IQCK: variants seen among roughly 807,000 people sequenced by gnomAD.
IQCK encodes IQ motif containing K.
In IQCK, 29 loss-of-function variants were observed where a neutral mutation model predicts 28.1. The observed-to-expected ratio is 1.03, with a 90% CI of 0.77 to 1.41. IQCK has a LOEUF of 1.41. IQCK is among the 40% of genes most tolerant of loss of function. The pLI is 0.00. For synonymous variants in IQCK, 113 were observed against 115.1 expected (o/e 0.98, Z 0.12); for missense variants, 359 against 314.7 (o/e 1.14, Z -1.07).
rs4780825 is a variant in IQCK at position 19,734,479 on chromosome 16, A to G, written c.376+652A>G. Among the ~76,000 whole-genome samples, 175 of 142,712 alleles carry G rather than the reference A, an allele frequency of 1.2e-3. 4 individuals are homozygous for G. Among genetic ancestry groups the G allele is most frequent in the South Asian group, 2.9e-3 (13 of 4,436 alleles). 93.6% of individuals were successfully genotyped at this position (142,712 alleles called of 152,430 possible). A position where few individuals can be genotyped will look rare whatever the true frequency, so the allele number is the denominator to read the frequency against. ...CATCACAAAAAAAAAAAAAAAAAAA[A>G]TTATCCAGGCATGGTGGTGCACACT... On this transcript the variant is annotated intron_variant, in intron 3 of 7. Transcript: ENST00000564186.
At chr16:19,755,504 A>G (rs2055040032) in intron 4 of IQCK, among the ~76,000 whole-genome samples, 2 of 152,194 alleles carry the variant, frequency 1.3e-5, no homozygotes, top group African/African-American at 4.8e-5. Context: ...AAAGGCAGAG[A>G]AAGGAGGACA....
chr16:19,807,953 AT>A (rs370297605), intron 7 of IQCK, among the ~76,000 whole-genome samples: 1 of 151,948 alleles, frequency 6.6e-6, no homozygotes, highest in African/African-American at 2.4e-5. Flanking sequence ...TTAAATGAGT[AT>A]TTTTTTTAAT....
chr16:19,738,545 C>A (rs895246190), intron 4 of IQCK, among the ~76,000 whole-genome samples: 3 of 152,172 alleles, frequency 2.0e-5, no homozygotes. Flanking sequence ...GGCAGCATAG[C>A]CCAGGACAAG....
At chr16:19,761,339 T>C (rs1361911270) in intron 4 of IQCK, 4 of 450,490 alleles carry the variant, frequency 8.9e-6, no homozygotes, top group Non-Finnish European at 1.8e-5. Flanking sequence ...TCTGGTCTCC[T>C]GCTGGTACCA....
At chr16:19,738,640 G>A (rs1429687344) in intron 4 of IQCK, among the ~76,000 whole-genome samples, 4 of 152,162 alleles carry the variant, frequency 2.6e-5, no homozygotes, top group South Asian at 2.1e-4. Context: ...TTATTATGCC[G>A]ATGAAATGAG....
At chr16:19,750,788 AAGCATTC>A (rs1453395850) in intron 4 of IQCK, among the ~76,000 whole-genome samples, 2 of 152,204 alleles carry the variant, frequency 1.3e-5, no homozygotes, top group Non-Finnish European at 2.9e-5. Context: ...AATGCATTTA[AAGCATTC>A]AGTTAAGTGC....
intron 9 of IQCK, among the ~76,000 whole-genome samples, chr16:19,848,689 CTG>C (rs1358093415): frequency 6.6e-6 from 1 of 152,122 alleles, no homozygotes; most frequent in Non-Finnish European, 1.5e-5. Flanking sequence ...CATAAGGACT[CTG>C]TGAAGTGGAG....
intron 4 of IQCK, among the ~76,000 whole-genome samples, chr16:19,760,141 T>C (rs1020999356): frequency 1.3e-5 from 2 of 152,204 alleles, no homozygotes; most frequent in South Asian, 4.1e-4. Context: ...TTAAAAAATA[T>C]ATAATTTTTT....
chr16:19,759,470 A>C (rs1358177671), intron 4 of IQCK, among the ~76,000 whole-genome samples: 2 of 152,134 alleles, frequency 1.3e-5, no homozygotes, highest in Non-Finnish European at 2.9e-5. Context: ...CGGCCTCCCA[A>C]AGTGCTGGGA....
At chr16:19,799,082 C>A in intron 7 of IQCK, among the ~76,000 whole-genome samples, 1 of 91,176 alleles carries the variant, frequency 1.1e-5, no homozygotes, top group East Asian at 2.8e-4. Context: ...ATATACTATT[C>A]ATCCTTCTAG....
Position 19,718,536 on chromosome 16 carries a change from G to C in IQCK, c.181+49G>C, listed in dbSNP as rs746260246. On this transcript the variant is annotated intron_variant, in intron 1 of 7. Coordinates refer to ENST00000564186, the Ensembl canonical transcript of IQCK. ...AGGGGCGGGACCCGGGCGGCCGGAC[G>C]GGGGCCGCGTTTGGGGAGCGCCCAC... The C allele has an allele frequency of 2.7e-5, 40 of 1,483,208 alleles. 1 individual carries two copies. Among genetic ancestry groups the C allele is most frequent in the Non-Finnish European group, 3.0e-5 (34 of 1,117,298 alleles). The allele number at this position is 1,483,208 out of a possible 1,614,324, so 91.9% of individuals were successfully genotyped here.
At chr16:19,723,614 A>G (rs1280401709) in intron 1 of IQCK, among the ~76,000 whole-genome samples, 2 of 152,150 alleles carry the variant, frequency 1.3e-5, no homozygotes, top group African/African-American at 4.8e-5. Context: ...GTTTTAAAGC[A>G]TGGACTGGGA....
intron 4 of IQCK, among the ~76,000 whole-genome samples, chr16:19,742,991 A>G (rs2054858193): frequency 1.3e-5 from 2 of 152,170 alleles, no homozygotes; most frequent in African/African-American, 2.4e-5. Flanking sequence ...CAACATGGCA[A>G]AACCCTGTCT....
Position 19,849,672 on chromosome 16 carries a change from G to A in IQCK, c.803-6815G>A, listed in dbSNP as rs1395947592. Among the ~76,000 whole-genome samples the A allele has an allele frequency of 3.3e-5, 5 of 151,824 alleles. No homozygotes were observed. The East Asian group carries it at 9.7e-4, about 29-fold the overall frequency. ...AGCCACTTGGGAGGCTGAGGCAGGA[G>A]GATCACTTGAGCCCAGGAAGTCAAG... On this transcript the variant is annotated intron_variant, in intron 9 of 9. Transcript: ENST00000320394.
intron 7 of IQCK, among the ~76,000 whole-genome samples, chr16:19,813,864 T>G (rs1233269162): frequency 1.3e-5 from 2 of 151,756 alleles, no homozygotes; most frequent in East Asian, 3.8e-4. Context: ...GACAGCCTTT[T>G]GTTTTGTTTT....
chr16:19,755,442 G>A (rs2055039327), intron 4 of IQCK, among the ~76,000 whole-genome samples: 1 of 152,190 alleles, frequency 6.6e-6, no homozygotes. Flanking sequence ...ACACTGCAGA[G>A]AGAACAGGCA....
At chr16:19,733,820 A>T in exon 3 of IQCK, 1 of 1,613,804 alleles carries the variant, frequency 6.2e-7, no homozygotes, top group Non-Finnish European at 8.5e-7. Context: ...CAATCAACCC[A>T]AAAACATGTG....
Position 19,792,761 on chromosome 16 carries a change from G to A in IQCK, c.690+3839G>A, listed in dbSNP as rs58020969. On this transcript the variant is annotated intron_variant, in intron 7 of 7. Coordinates refer to ENST00000564186, the Ensembl canonical transcript of IQCK. ...TAATTTTTGTATTTTTAGTAGAGACGGAGGGGGGCGTTTCACCATGTTGGC... is the reference window on the plus strand; with the variant it reads ...TAATTTTTGTATTTTTAGTAGAGACAGAGGGGGGCGTTTCACCATGTTGGC... Among the ~76,000 whole-genome samples, 6 of 113,554 alleles carry A rather than the reference G, an allele frequency of 5.3e-5. 1 individual carries two copies. Among genetic ancestry groups the A allele is most frequent in the African/African-American group, 1.6e-4 (2 of 12,196 alleles). 74.5% of individuals were successfully genotyped at this position (113,554 alleles called of 152,430 possible).
intron 4 of IQCK, among the ~76,000 whole-genome samples, chr16:19,750,979 G>A (rs1369510300): frequency 2.6e-5 from 4 of 152,002 alleles, no homozygotes; most frequent in Non-Finnish European, 4.4e-5. Context: ...TGGCAGGTAC[G>A]GTGATGAGGG....
Sources: allele counts gnomAD v4.1 joint callset (sites outside exome capture counted in the v4.1 genomes callset), GRCh38; gene constraint gnomAD v4.1.1; transcripts MANE v1.5; gene names NCBI Gene and HGNC (gene_info 2026-07-23, HGNC 2026-07-21).